Variants in CPXM2 observed in about 807,000 individuals in gnomAD.
CPXM2 encodes carboxypeptidase X, M14 family member 2.
Under a neutral mutation model 86.1 loss-of-function variants are expected in CPXM2, and 66 were observed. The ratio of observed to expected loss-of-function variants is 0.77; its 90% CI spans 0.63 to 0.94. CPXM2 has a LOEUF of 0.94. CPXM2 is among the 40% of genes least tolerant of loss of function. The pLI is 0.00. For missense variants in CPXM2, 948 were observed against 1,026.3 expected, an observed-to-expected ratio of 0.92 and a Z score of 1.04; for synonymous variants, 388 against 400.2, an observed-to-expected ratio of 0.97 and a Z score of 0.36.
intron 2 of CPXM2, among the ~76,000 whole-genome samples, chr10:123,913,058 G>A (rs1001302405): frequency 6.6e-6 from 1 of 152,214 alleles, no homozygotes; most frequent in South Asian, 2.1e-4. Context: ...AATCTGCATA[G>A]TAGCTCTTAC....
chr10:123,778,406 C>T (rs1846852450), intron 7 of CPXM2, among the ~76,000 whole-genome samples: 1 of 152,132 alleles, frequency 6.6e-6, no homozygotes, highest in Admixed American at 6.5e-5. Flanking sequence ...GATTGATGGG[C>T]GCTCTCCTGG....
In CPXM2 at chr10:123,885,607, G is replaced by A. The variant is rs28720820; in HGVS notation, c.305-5298C>T. 0.018 allele frequency among the ~76,000 whole-genome samples: 2,694 copies of A among 152,332 alleles called. 72 individuals carry two copies. The highest frequency in any genetic ancestry group is 0.059 in the African/African-American group (2,471 of 41,584). On this transcript the variant is annotated intron_variant, in intron 1 of 13. Coordinates refer to ENST00000241305, the MANE Select transcript of CPXM2 (RefSeq NM_198148.3). This position sits in a 1 kb window ranked among gnomAD's most constrained non-coding sequence, Gnocchi z 4.0. ...CGAGTAGCCAGCTGGCTGCCAGCCA[G>A]ATGTGGATGCCAGCCCTTCCAGTGG...
intron 3 of CPXM2, 91 bp downstream of exon 3, chr10:123,862,523 T>A (rs1848873284): frequency 9.0e-7 from 1 of 1,111,802 alleles, no homozygotes; most frequent in Non-Finnish European, 1.4e-6. Context: ...GGCTAATGCA[T>A]TTTAAATCCT....
chr10:123,900,042 CA>C (rs1031723066), intron 2 of CPXM2, among the ~76,000 whole-genome samples: 1 of 152,020 alleles, frequency 6.6e-6, no homozygotes, highest in Non-Finnish European at 1.5e-5. Context: ...CAATGTCTAA[CA>C]AAAAAAATTT....
intron 2 of CPXM2, among the ~76,000 whole-genome samples, chr10:123,936,409 C>T (rs1315704576): frequency 2.6e-5 from 4 of 152,182 alleles, no homozygotes; most frequent in Admixed American, 6.5e-5. Flanking sequence ...CAGCTCTTAT[C>T]GGCTATATGT....
chr10:123,759,979 G>C (rs753353391), intron 11 of CPXM2, among the ~76,000 whole-genome samples: 8 of 152,202 alleles, frequency 5.3e-5, no homozygotes, highest in Non-Finnish European at 7.3e-5. Flanking sequence ...AGGAGAGGGA[G>C]GGGGAGGAAA....
At chr10:123,864,522 AT>A (rs1459019459) in intron 2 of CPXM2, among the ~76,000 whole-genome samples, 4 of 152,214 alleles carry the variant, frequency 2.6e-5, no homozygotes, top group Admixed American at 2.0e-4. Context: ...CTGCCATCTT[AT>A]GAACCTATTT....
At chr10:123,811,255 C>T (rs947347745) in intron 4 of CPXM2, among the ~76,000 whole-genome samples, 4 of 151,514 alleles carry the variant, frequency 2.6e-5, no homozygotes, top group Admixed American at 1.3e-4. Flanking sequence ...CCCATTAACT[C>T]GTCATTTACA....
intron 5 of CPXM2, 81 bp from the exon 6 acceptor site, chr10:123,798,207 A>G (rs923422182): frequency 2.3e-6 from 3 of 1,312,316 alleles, no homozygotes; most frequent in Admixed American, 2.4e-5. Context: ...CACTCATTCA[A>G]CAAGACTTTA....
chr10:123,750,887 G>A (rs1483291361), intron 13 of CPXM2: 1 of 985,278 alleles, frequency 1.0e-6, no homozygotes, highest in Non-Finnish European at 1.2e-6. Context: ...CTTCCTTGAG[G>A]CTCTCACTTT....
Position 123,751,537 on chromosome 10 carries a change from C to G in CPXM2, c.2017+3126G>C, listed in dbSNP as rs1470558115. 3.0e-6 allele frequency: 3 copies of G among 985,230 alleles called. No individual in the cohort carries two copies. In the African/African-American group the frequency reaches 5.2e-5, roughly 17 times the overall value. The allele number at this position is 985,230 out of a possible 1,614,324, so 61.0% of individuals were successfully genotyped here. ...AACTCAGGCCCAAAGAATGTCCACA[C>G]AGGAGCAGGTCAGTTCAGTACCCAC... On this transcript the variant is annotated intron_variant, in intron 13 of 13. Transcript: ENST00000241305.
Position 123,750,034 on chromosome 10 carries a change from G to A in CPXM2, c.2018-3017C>T, listed in dbSNP as rs1253378203. The A allele has an allele frequency of 2.2e-5, 14 of 628,008 alleles. No homozygotes were observed. The East Asian group carries it at 1.8e-3, about 83-fold the overall frequency. The allele number at this position is 628,008 out of a possible 1,614,324, so 38.9% of individuals were successfully genotyped here. ...GGGGTTTCACCATATTGGCCAGGCT[G>A]GTCTTGAACTCCTGACCTCATGATC... On this transcript the variant is annotated intron_variant, in intron 13 of 13. Coordinates refer to ENST00000241305, the MANE Select transcript of CPXM2 (RefSeq NM_198148.3).
rs542882389 is a variant in CPXM2, at chr10:123,917,859, G to A, written n.174+21618C>T. On this transcript the variant is annotated intron_variant and non_coding_transcript_variant, in intron 2 of 19. Transcript: ENST00000368854. ...ATAACTTATTCAACAAATCTTTATT[G>A]AACAGCTACTCTGTGCCAGACATTG... Among the ~76,000 whole-genome samples, 4 of 152,260 alleles carry A rather than the reference G, an allele frequency of 2.6e-5. No individual in the cohort carries two copies. The East Asian group carries it at 7.7e-4, about 29-fold the overall frequency.
At chr10:123,757,494 CA>C in intron 11 of CPXM2, 142 bp from the exon 12 acceptor site, 1 of 685,966 alleles carries the variant, frequency 1.5e-6, no homozygotes, top group Non-Finnish European at 2.5e-6. Flanking sequence ...CTACTATAGA[CA>C]AAAATTTGCA....
intron 3 of CPXM2, among the ~76,000 whole-genome samples, chr10:123,845,751 C>T (rs2134161792): frequency 6.6e-6 from 1 of 152,004 alleles, no homozygotes; most frequent in African/African-American, 2.4e-5. Flanking sequence ...AATATACACA[C>T]CATGGAATAT....
chr10:123,762,206 GA>G lies in CPXM2; in HGVS notation c.1480-38del, dbSNP rs766080061. The G allele has an allele frequency of 2.5e-6, 4 of 1,613,686 alleles. No homozygotes were observed. The East Asian group carries it at 8.9e-5, about 36-fold the overall frequency. ...CCAAATGGACGAGTAAAATAAGCAG[GA>G]AGTCATTTTATCTCCCCAGCTGTCA... On this transcript the variant is annotated intron_variant, in intron 10 of 13. Transcript: ENST00000241305.
chr10:123,912,023 A>G (rs7907918), intron 2 of CPXM2, among the ~76,000 whole-genome samples: 105,899 of 151,838 alleles, frequency 0.7, 38,657 homozygotes, highest in African/African-American at 0.92. Context: ...TTGGAAGAGG[A>G]CCAAGCGGGT....
intron 4 of CPXM2, among the ~76,000 whole-genome samples, chr10:123,832,291 C>T (rs1349795128): frequency 6.6e-6 from 1 of 152,160 alleles, no homozygotes; most frequent in East Asian, 1.9e-4. Context: ...AGCCCCAACT[C>T]AGAAGCACTC....
intron 7 of CPXM2, among the ~76,000 whole-genome samples, chr10:123,778,121 A>C (rs1021051333): frequency 1.3e-5 from 2 of 152,126 alleles, no homozygotes; most frequent in African/African-American, 4.8e-5. Context: ...GCTCTCTGCA[A>C]AAAAAGTCCC....
Sources: gnomAD v4.1 joint callset for allele counts (sites outside exome capture counted in the v4.1 genomes callset) on GRCh38, gnomAD v4.1.1 for gene constraint, Gnocchi (gnomAD v3.1) non-coding constraint, MANE v1.5 for transcripts, NCBI Gene and HGNC (gene_info 2026-07-23, HGNC 2026-07-21) for gene names.